Variants in MORN2 observed in about 807,000 individuals in gnomAD.
The protein encoded by MORN2 is MORN repeat containing 2, also known as MORN repeat-containing protein 2.
In MORN2, 15 loss-of-function variants were observed where a neutral mutation model predicts 13.4. The observed-to-expected ratio is 1.12, with a 90% CI of 0.75 to 1.72. The LOEUF is 1.72. Ranked by LOEUF, MORN2 falls within the 40% of genes most tolerant of loss-of-function variation. MORN2 has a pLI of 0.00. For synonymous variants in MORN2, 46 were observed against 43.6 expected, an observed-to-expected ratio of 1.06 and a Z score of -0.22; for missense variants, 168 against 134.6, an observed-to-expected ratio of 1.25 and a Z score of -1.23.
intron 1 of MORN2, among the ~76,000 whole-genome samples, chr2:38,877,760 C>A (rs1238694597): frequency 1.3e-5 from 2 of 151,688 alleles, no homozygotes; most frequent in African/African-American, 4.8e-5. Flanking sequence ...GGATTACAGG[C>A]ATGAGCCACC....
intron 1 of MORN2, among the ~76,000 whole-genome samples, chr2:38,876,476 C>T (rs1205140308): frequency 6.6e-6 from 1 of 152,212 alleles, no homozygotes. Flanking sequence ...TGCTCTGCTT[C>T]ATAGGCACTT....
intron 1 of MORN2, among the ~76,000 whole-genome samples, chr2:38,876,700 T>A (rs113577426): frequency 8.3e-4 from 126 of 152,236 alleles, no homozygotes; most frequent in Admixed American, 2.9e-3. Flanking sequence ...CCGTGGGGGT[T>A]CCTGAAGGAG....
intron 4 of MORN2, among the ~76,000 whole-genome samples, chr2:38,882,036 G>T (rs1350884024): frequency 6.6e-6 from 1 of 152,218 alleles, no homozygotes; most frequent in African/African-American, 2.4e-5. Flanking sequence ...CGGTGGCACA[G>T]CACCTCAAAC....
At chr2:38,877,982 G>C (rs950770723) in intron 1 of MORN2, among the ~76,000 whole-genome samples, 1 of 151,648 alleles carries the variant, frequency 6.6e-6, no homozygotes. Context: ...TTTTTGTGGA[G>C]AATGGGTTTC....
intron 1 of MORN2, among the ~76,000 whole-genome samples, chr2:38,877,985 T>C (rs1399354289): frequency 1.4e-5 from 2 of 142,292 alleles, no homozygotes; most frequent in Non-Finnish European, 3.1e-5. Flanking sequence ...TTGTGGAGAA[T>C]GGGTTTCACC....
intron 1 of MORN2, among the ~76,000 whole-genome samples, chr2:38,879,359 G>A (rs960419512): frequency 6.6e-6 from 1 of 152,010 alleles, no homozygotes; most frequent in African/African-American, 2.4e-5. Flanking sequence ...ATTCATAATG[G>A]CCTCAAACTG....
In MORN2 at chr2:38,880,633, A is replaced by G; in HGVS notation, c.143A>G (p.Tyr48Cys). 1.9e-6 allele frequency: 3 copies of G among 1,544,068 alleles called. No individual in the cohort carries two copies. Among genetic ancestry groups the G allele is most frequent in the African/African-American group, 1.4e-5 (1 of 72,776 alleles). Residue 48 changes from tyrosine (Y) to cysteine (C), a missense_variant, in exon 3 of 5, where the codon TAC (tyrosine) becomes TGC (cysteine). Transcript: ENST00000644631. ...TGTACAAGAACATCTTCTGGAATCTACGAGAGAAATGGAATAGGTATTCAT... is the reference window on the plus strand; with the variant it reads ...TGTACAAGAACATCTTCTGGAATCTGCGAGAGAAATGGAATAGGTATTCAT...
chr2:38,879,142 C>T (rs1052512843), intron 1 of MORN2, among the ~76,000 whole-genome samples: 1 of 152,162 alleles, frequency 6.6e-6, no homozygotes, highest in Non-Finnish European at 1.5e-5. Flanking sequence ...AGCCCTTCCC[C>T]ACTTGCTATC....
rs113541317 is a variant in MORN2 at position 38,876,027 on chromosome 2, C to G, written c.-26C>G. On this transcript the variant is annotated 5_prime_UTR_variant, in exon 1 of 5. Transcript: ENST00000644631. The stretch of plus-strand genomic sequence containing the variant: ...CAAGTCGCACCTGGAGCTGTCCTAG[C>G]GCCTAGTTCTCTCCCGGCCGCAGAG... 7.5e-6 allele frequency: 3 copies of G among 398,684 alleles called. No individual in the cohort carries two copies. Among genetic ancestry groups the G allele is most frequent in the South Asian group, 1.3e-4 (1 of 7,872 alleles). 24.7% of individuals were successfully genotyped at this position (398,684 alleles called of 1,614,324 possible). A position where few individuals can be genotyped will look rare whatever the true frequency, so the allele number is the denominator to read the frequency against.
At chr2:38,882,289 A>G (rs1665792885) in intron 4 of MORN2, 124 bp from the exon 5 acceptor site, 1 of 406,038 alleles carries the variant, frequency 2.5e-6, no homozygotes, top group African/African-American at 2.1e-5. Flanking sequence ...CTGGGTTTAA[A>G]AGCAAAGCTT....
chr2:38,882,589 T>C lies in MORN2; in HGVS notation c.*74T>C, dbSNP rs1241985679. The C allele has an allele frequency of 2.7e-6, 3 of 1,128,034 alleles. No homozygotes were observed. The highest frequency in any genetic ancestry group is 1.3e-6 in the Non-Finnish European group (1 of 774,924). 69.9% of individuals were successfully genotyped at this position (1,128,034 alleles called of 1,614,324 possible). A position where few individuals can be genotyped will look rare whatever the true frequency, so the allele number is the denominator to read the frequency against. On this transcript the variant is annotated 3_prime_UTR_variant, in exon 5 of 5. Coordinates refer to ENST00000644631, the MANE Select transcript of MORN2 (RefSeq NM_001145450.3). ...GTAAGGAAAGCAACTTAATCTGTTA[T>C]TTGAAATGACTTCATACACTACCCC... is the stretch of plus-strand genomic sequence containing the variant.
rs912291943 is a variant in MORN2, at chr2:38,876,043, G to A, written c.-10G>A. On this transcript the variant is annotated 5_prime_UTR_variant, in exon 1 of 5. Transcript: ENST00000644631. ...CTGTCCTAGCGCCTAGTTCTCTCCC[G>A]GCCGCAGAGCTGGCCGCCCAGGGGG... 1.0e-5 allele frequency: 4 copies of A among 398,678 alleles called. No homozygotes were observed. The highest frequency in any genetic ancestry group is 1.3e-4 in the South Asian group (1 of 7,856). 24.7% of individuals were successfully genotyped at this position (398,678 alleles called of 1,614,324 possible).
intron 4 of MORN2, 144 bp downstream of exon 4, chr2:38,881,722 C>A: frequency 1.6e-6 from 1 of 637,124 alleles, no homozygotes; most frequent in Non-Finnish European, 2.4e-6. Context: ...GTGATCTCGG[C>A]TCACTGCAAC....
chr2:38,877,487 A>G (rs541859684), intron 1 of MORN2, among the ~76,000 whole-genome samples: 1 of 152,164 alleles, frequency 6.6e-6, no homozygotes, highest in South Asian at 2.1e-4. Flanking sequence ...ATAAGCAAAC[A>G]TAACTAAATT....
rs1457801608 is a variant in MORN2 at position 38,876,124 on chromosome 2, C to T, written c.58+14C>T. On this transcript the variant is annotated intron_variant, in intron 1 of 4. Transcript: ENST00000644631. Reference sequence around the variant, plus strand: ...CCTCTCGGCCAAGTGAGTGTCCCTCCTCCTAACGACCCGGGCAGAGAAGAG... The same window carrying T: ...CCTCTCGGCCAAGTGAGTGTCCCTCTTCCTAACGACCCGGGCAGAGAAGAG... The T allele has an allele frequency of 1.0e-5, 4 of 398,638 alleles. No individual in the cohort carries two copies. Among genetic ancestry groups the T allele is most frequent in the East Asian group, 3.6e-5 (1 of 28,092 alleles). The allele number at this position is 398,638 out of a possible 1,614,324, so 24.7% of individuals were successfully genotyped here. A position where few individuals can be genotyped will look rare whatever the true frequency, so the allele number is the denominator to read the frequency against.
Position 38,880,725 on chromosome 2 carries a change from A to G in MORN2, c.216+19A>G, listed in dbSNP as rs1665756073. ...TGACAAGGTATTATTGTTGTTTTTA[A>G]TATTGGCAGTGGATAAATAACCCTG... On this transcript the variant is annotated intron_variant, in intron 3 of 4. Coordinates refer to ENST00000644631, the MANE Select transcript of MORN2 (RefSeq NM_001145450.3). The G allele has an allele frequency of 1.3e-6, 2 of 1,549,510 alleles. No homozygotes were observed. Among genetic ancestry groups the G allele is most frequent in the Non-Finnish European group, 1.7e-6 (2 of 1,146,506 alleles).
At position 38,882,488 on chromosome 2, in the gene MORN2, A is replaced by C; in HGVS notation, c.429A>C (p.Pro143=). ...GTAACTTTCATTTTACAGCTGCTCC[A>C]GACCTGAAATTAAAGCTTCACATGT... The change falls in exon 5 of 5, where the codon CCA becomes CCC. Residue 143 remains proline (P), a synonymous_variant. Transcript: ENST00000644631. 1 of 1,550,566 alleles carries C rather than the reference A, an allele frequency of 6.4e-7. No homozygotes were observed. The highest frequency in any genetic ancestry group is 8.7e-7 in the Non-Finnish European group (1 of 1,146,260).
chr2:38,881,529 T>C lies in MORN2; in HGVS notation c.304T>C (p.Tyr102His). The change falls in exon 4 of 5, where the codon TAC (tyrosine) becomes CAC (histidine). Residue 102 changes from tyrosine to histidine, a missense_variant. Coordinates refer to ENST00000644631, the MANE Select transcript of MORN2 (RefSeq NM_001145450.3). ...TAATATGTTTCATGGACTGGGGACT[T>C]ACACATTCCCAAATGGGGCAAAGTA... 1 of 1,542,098 alleles carries C rather than the reference T, an allele frequency of 6.5e-7. No individual in the cohort carries two copies. The highest frequency in any genetic ancestry group is 1.2e-5 in the South Asian group (1 of 81,280).
intron 2 of MORN2, 24 bp from the exon 3 acceptor site, chr2:38,880,576 C>A (rs1442679121): frequency 7.0e-6 from 10 of 1,438,772 alleles, no homozygotes; most frequent in African/African-American, 1.4e-5. Context: ...CATTTATAAT[C>A]TTCAGTTTTT....
Sources: gnomAD v4.1 joint callset for allele counts (sites outside exome capture counted in the v4.1 genomes callset) on GRCh38, gnomAD v4.1.1 for gene constraint, MANE v1.5 for transcripts, NCBI Gene and HGNC (gene_info 2026-07-23, HGNC 2026-07-21) for gene names.